The following IFT140 variants were observed in gnomAD, a reference collection of about 807,000 sequenced individuals.
The protein encoded by IFT140 is intraflagellar transport 140, also known as intraflagellar transport protein 140 homolog.
Under a neutral mutation model 164.6 loss-of-function variants are expected in IFT140, and 133 were observed. The ratio of observed to expected loss-of-function variants is 0.81; its 90% CI spans 0.70 to 0.93. IFT140 has a LOEUF of 0.93. Ranked by LOEUF, IFT140 falls within the 40% of genes least tolerant of loss-of-function variation. The probability of loss-of-function intolerance (pLI) is 0.00; values close to 1 mark genes in which losing one functional copy is unlikely to be tolerated. For missense variants in IFT140, 2,045 were observed against 1,972.3 expected (o/e 1.04, Z -0.70); for synonymous variants, 860 against 817.3 (o/e 1.05, Z -0.89).
rs139871912 is a variant in IFT140, at chr16:1,520,618, G to C, written c.3644C>G (p.Ala1215Gly). 22 of 1,588,866 alleles carry C rather than the reference G, an allele frequency of 1.4e-5. No homozygotes were observed. The highest frequency in any genetic ancestry group is 1.8e-5 in the Non-Finnish European group (21 of 1,165,348). ...GAGGCTCACCTTCAGCTTGTTGCCG[G>C]CCTGCGTGTACTTCTTGGTGGCCAG... ...YHLATKKYTQAGNKLKAMRAL... is the reference protein window; with the variant it reads ...YHLATKKYTQGGNKLKAMRAL... Residue 1215 changes from alanine to glycine, a missense_variant, in exon 27 of 31, where the codon GCC becomes GGC. Physicochemically the swap from Ala to Gly is moderately conservative, Grantham distance 60. Coordinates refer to ENST00000426508, the MANE Select transcript of IFT140 (RefSeq NM_014714.4).
chr16:1,511,348 A>G (rs551026603), intron 30 of IFT140, among the ~76,000 whole-genome samples, 198 bp from the exon 31 acceptor site: 12 of 152,214 alleles, frequency 7.9e-5, no homozygotes, highest in Non-Finnish European at 1.3e-4. Flanking sequence ...CGGACCGCAC[A>G]CATGCCATGT....
chr16:1,534,421 G>A, intron 19 of IFT140: 1 of 1,612,384 alleles, frequency 6.2e-7, no homozygotes, highest in South Asian at 1.1e-5. Context: ...TGGAGGTCCT[G>A]CTGGCTGGTG....
At chr16:1,511,922 G>A (rs1315353091) in intron 30 of IFT140, among the ~76,000 whole-genome samples, 2 of 151,798 alleles carry the variant, frequency 1.3e-5, no homozygotes, top group Non-Finnish European at 2.9e-5. Context: ...AGAATTCAGA[G>A]AAGGGCTGGC....
In IFT140 at chr16:1,551,103, T is replaced by C. The variant is rs2032598317; in HGVS notation, c.2399+6832A>G. ...GCCTTTCCCGCAGCTCCACACTGCATTCTGTTCTGTTTCACGTCTACTTTG... is the reference window on the plus strand; with the variant it reads ...GCCTTTCCCGCAGCTCCACACTGCACTCTGTTCTGTTTCACGTCTACTTTG... On this transcript the variant is annotated intron_variant, in intron 19 of 30. Coordinates refer to ENST00000426508, the MANE Select transcript of IFT140 (RefSeq NM_014714.4). This position sits in a 1 kb window ranked among gnomAD's most constrained non-coding sequence, Gnocchi z 4.0. Among the ~76,000 whole-genome samples the C allele has an allele frequency of 6.6e-6, 1 of 152,230 alleles. No homozygotes were observed. The highest frequency in any genetic ancestry group is 2.4e-5 in the African/African-American group (1 of 41,470).
At chr16:1,561,146 A>C (rs1394803234) in intron 18 of IFT140, among the ~76,000 whole-genome samples, 1 of 152,244 alleles carries the variant, frequency 6.6e-6, no homozygotes, top group African/African-American at 2.4e-5. Flanking sequence ...AGAGGCTGAG[A>C]ACAACAGGTC....
chr16:1,568,555 G>A lies in IFT140; in HGVS notation c.1653-221C>T, dbSNP rs143791172. Among the ~76,000 whole-genome samples, 15 of 152,264 alleles carry A rather than the reference G, an allele frequency of 9.9e-5. No individual in the cohort carries two copies. The East Asian group carries it at 2.7e-3, about 28-fold the overall frequency. The stretch of plus-strand genomic sequence containing the variant: ...GAACAAGGACGAATATGAGTGCTTC[G>A]TCCCCTTCCTCTTGTTCAAGTAGCT... On this transcript the variant is annotated intron_variant, in intron 14 of 30. Transcript: ENST00000426508.
At chr16:1,563,227 C>T (rs1186558861) in intron 17 of IFT140, among the ~76,000 whole-genome samples, 7 of 152,026 alleles carry the variant, frequency 4.6e-5, no homozygotes, top group Non-Finnish European at 8.8e-5. Flanking sequence ...CGTGTCCTCC[C>T]GCTCAGCGCC....
chr16:1,575,735 C>T (rs1037622190), intron 13 of IFT140, among the ~76,000 whole-genome samples: 9 of 151,600 alleles, frequency 5.9e-5, no homozygotes, highest in Admixed American at 2.0e-4. Context: ...CCACTGGCCT[C>T]TCCCAGCAGG....
Position 1,553,583 on chromosome 16 carries a change from C to G in IFT140, c.2399+4352G>C. 2.9e-6 allele frequency: 3 copies of G among 1,023,516 alleles called. No homozygotes were observed. Among genetic ancestry groups the G allele is most frequent in the Non-Finnish European group, 3.5e-6 (3 of 851,352 alleles). The allele number at this position is 1,023,516 out of a possible 1,614,324, so 63.4% of individuals were successfully genotyped here. A position where few individuals can be genotyped will look rare whatever the true frequency, so the allele number is the denominator to read the frequency against. On this transcript the variant is annotated intron_variant, in intron 19 of 30. Transcript: ENST00000426508. This position sits in a 1 kb window ranked among gnomAD's most constrained non-coding sequence, Gnocchi z 4.4. ...GTTTAATCTGGACCAGTGTAAGTTA[C>G]AGAGAGTCTCTGGCACTTTGGGTAC...
At chr16:1,545,971 C>A (rs1485969657) in intron 19 of IFT140, among the ~76,000 whole-genome samples, 1 of 152,252 alleles carries the variant, frequency 6.6e-6, no homozygotes, top group Admixed American at 6.5e-5. Context: ...GGCTTGGCTG[C>A]CGCTGCCCTT....
intron 19 of IFT140, chr16:1,534,110 C>A (rs576595546): frequency 3.7e-6 from 3 of 804,718 alleles, no homozygotes; most frequent in Non-Finnish European, 5.6e-6. Flanking sequence ...AAGGCCGGGC[C>A]GAGAGGCGGC....
intron 4 of IFT140, among the ~76,000 whole-genome samples, chr16:1,597,120 T>C (rs117196381): frequency 0.014 from 2,121 of 152,152 alleles, 28 homozygotes; most frequent in Middle Eastern, 0.031. Flanking sequence ...ACTGGGAAGC[T>C]TTGCTAAAGG....
At chr16:1,554,916 C>T (rs2032964888) in intron 19 of IFT140, 1 of 1,614,248 alleles carries the variant, frequency 6.2e-7, no homozygotes, top group Middle Eastern at 1.6e-4. Flanking sequence ...CTGGAACATT[C>T]TCCACAAGAG....
chr16:1,528,433 GCA>G (rs4017983), intron 19 of IFT140, among the ~76,000 whole-genome samples: 66 of 148,870 alleles, frequency 4.4e-4, no homozygotes, highest in African/African-American at 1.3e-3. Flanking sequence ...ACACACAGAT[GCA>G]CACACACATT....
chr16:1,517,396 G>T (rs954270949), intron 30 of IFT140, among the ~76,000 whole-genome samples: 3 of 151,264 alleles, frequency 2.0e-5, no homozygotes, highest in Non-Finnish European at 4.4e-5. Context: ...CCAATAAAAT[G>T]ATGAGAAGAG....
At position 1,589,896 on chromosome 16, in the gene IFT140, G is replaced by C. The variant is rs1013216119; in HGVS notation, c.635-116C>G. The C allele has an allele frequency of 4.2e-6, 4 of 958,440 alleles. No individual in the cohort carries two copies. In the Admixed American group the frequency reaches 7.7e-5, roughly 18 times the overall value. The allele number at this position is 958,440 out of a possible 1,614,324, so 59.4% of individuals were successfully genotyped here. On this transcript the variant is annotated intron_variant, in intron 6 of 30. Transcript: ENST00000426508. Reference sequence around the variant, plus strand: ...ACATTTTCAAAGCAAAGCATCTTCAGTATAAGAACTTAAAAATGGGCCGGG... The same window carrying C: ...ACATTTTCAAAGCAAAGCATCTTCACTATAAGAACTTAAAAATGGGCCGGG...
intron 13 of IFT140, chr16:1,577,463 G>A (rs1008649463): frequency 1.3e-5 from 2 of 152,236 alleles, no homozygotes; most frequent in Non-Finnish European, 2.9e-5. Flanking sequence ...TAGGCTGCGA[G>A]TACTGCAATT....
At chr16:1,596,705 G>A (rs754097941) in intron 4 of IFT140, among the ~76,000 whole-genome samples, 4 of 152,204 alleles carry the variant, frequency 2.6e-5, no homozygotes, top group East Asian at 3.9e-4. Flanking sequence ...TCTGCCCAAC[G>A]ATCCTGGAAT....
At chr16:1,590,365 T>C (rs1596429822) in intron 6 of IFT140, among the ~76,000 whole-genome samples, 1 of 152,116 alleles carries the variant, frequency 6.6e-6, no homozygotes, top group East Asian at 1.9e-4. Context: ...CCTGCAGATC[T>C]GGCAGCCTCG....
Sources: allele counts gnomAD v4.1 joint callset (sites outside exome capture counted in the v4.1 genomes callset), GRCh38; gene constraint gnomAD v4.1.1; non-coding constraint Gnocchi (gnomAD v3.1); transcripts MANE v1.5; gene names NCBI Gene and HGNC (gene_info 2026-07-23, HGNC 2026-07-21).